Variants in AGBL4 observed in about 807,000 individuals in gnomAD.
AGBL4 encodes cytosolic carboxypeptidase 6.
A neutral mutation model predicts 66.4 loss-of-function variants in AGBL4; 58 were observed. That is an observed-to-expected ratio of 0.87 (90% confidence interval 0.71 to 1.09). The LOEUF (loss-of-function observed/expected upper bound fraction) is 1.09. Ranked by LOEUF, AGBL4 falls within the 50% of genes least tolerant of loss-of-function variation. AGBL4 has a pLI of 0.00. For missense variants in AGBL4, 579 were observed against 631.0 expected (o/e 0.92, Z 0.88); for synonymous variants, 234 against 222.9 (o/e 1.05, Z -0.44).
At chr1:49,732,096 G>A (rs924465809) in intron 2 of AGBL4, among the ~76,000 whole-genome samples, 5 of 152,172 alleles carry the variant, frequency 3.3e-5, no homozygotes, top group African/African-American at 1.2e-4. Flanking sequence ...ACTTCCAGGG[G>A]TATTGTCAGC....
chr1:49,491,749 C>G (rs1647188292), intron 3 of AGBL4, among the ~76,000 whole-genome samples: 1 of 151,838 alleles, frequency 6.6e-6, no homozygotes, highest in Admixed American at 6.6e-5. Context: ...GTGGGACAGT[C>G]AGGATTAAAA....
chr1:49,224,127 G>A lies in AGBL4; in HGVS notation c.377+21643C>T, dbSNP rs145123957. ...ACGTGCAGAAAATATTGGCTAAAGA[G>A]ACACAAATCTGTATCATTGACTCTT... is the stretch of plus-strand genomic sequence containing the variant. On this transcript the variant is annotated intron_variant, in intron 4 of 13. Transcript: ENST00000371839. 1.5e-3 allele frequency among the ~76,000 whole-genome samples: 225 copies of A among 152,288 alleles called. 5 individuals carry two copies. Among genetic ancestry groups the A allele is most frequent in the East Asian group, 2.5e-3 (13 of 5,178 alleles).
At chr1:49,581,798 C>A (rs908638294) in intron 3 of AGBL4, among the ~76,000 whole-genome samples, 16 of 152,104 alleles carry the variant, frequency 1.1e-4, no homozygotes, top group African/African-American at 3.1e-4. Flanking sequence ...GAGTTCTAGG[C>A]AGGCTGATTC....
intron 3 of AGBL4, among the ~76,000 whole-genome samples, chr1:49,475,586 A>C (rs753295076): frequency 6.6e-6 from 1 of 151,948 alleles, no homozygotes; most frequent in Non-Finnish European, 1.5e-5. Flanking sequence ...AGGTATTTTT[A>C]TCCCTTATTC....
chr1:49,622,652 A>C (rs892496001), intron 3 of AGBL4, among the ~76,000 whole-genome samples: 1 of 150,710 alleles, frequency 6.6e-6, no homozygotes, highest in Non-Finnish European at 1.5e-5. Flanking sequence ...AAAAAAAAAA[A>C]AAGAAAAATG....
chr1:48,608,429 GA>G (rs1645184555), intron 9 of AGBL4, among the ~76,000 whole-genome samples: 1 of 152,204 alleles, frequency 6.6e-6, no homozygotes, highest in Admixed American at 6.5e-5. Context: ...ATTGCATGGT[GA>G]GGGGTGGTCT....
intron 3 of AGBL4, among the ~76,000 whole-genome samples, chr1:49,253,020 C>T (rs919250777): frequency 5.3e-5 from 8 of 152,116 alleles, no homozygotes; most frequent in South Asian, 2.1e-4. Flanking sequence ...AAATAACCAG[C>T]TAACATCATA....
chr1:48,960,913 C>T (rs189709845), intron 5 of AGBL4, among the ~76,000 whole-genome samples: 1 of 152,212 alleles, frequency 6.6e-6, no homozygotes, highest in Non-Finnish European at 1.5e-5. Context: ...GTTCAACTAT[C>T]TATAATACAC....
chr1:49,599,261 A>C (rs1571142689), intron 3 of AGBL4, among the ~76,000 whole-genome samples: 2 of 152,132 alleles, frequency 1.3e-5, no homozygotes, highest in East Asian at 3.9e-4. Flanking sequence ...TAGGCTATTA[A>C]TTACTGCCTC....
intron 6 of AGBL4, among the ~76,000 whole-genome samples, chr1:48,780,198 C>T (rs1487999874): frequency 5.5e-5 from 8 of 145,120 alleles, no homozygotes; most frequent in Non-Finnish European, 9.0e-5. Context: ...CCCCCACCCC[C>T]CTACAGGCCC....
At chr1:48,992,873 AG>A (rs1234162949) in intron 5 of AGBL4, among the ~76,000 whole-genome samples, 2 of 151,980 alleles carry the variant, frequency 1.3e-5, no homozygotes, top group East Asian at 3.9e-4. Flanking sequence ...CTCACCCTTC[AG>A]GGAAGTGAGC....
intron 6 of AGBL4, among the ~76,000 whole-genome samples, chr1:48,845,196 G>C (rs1646882787): frequency 6.6e-6 from 1 of 152,134 alleles, no homozygotes; most frequent in South Asian, 2.1e-4. Context: ...TTTTCAGATA[G>C]GGAACAAGGC....
intron 1 of AGBL4, 92 bp from the exon 2 acceptor site, chr1:49,851,610 C>A: frequency 7.5e-7 from 1 of 1,329,798 alleles, no homozygotes; most frequent in Non-Finnish European, 1.0e-6. Flanking sequence ...CCCTAGTCAC[C>A]AAGTGTTAAC....
intron 6 of AGBL4, among the ~76,000 whole-genome samples, chr1:48,726,934 A>T (rs79806372): frequency 2.6e-3 from 392 of 152,358 alleles, no homozygotes; most frequent in African/African-American, 9.0e-3. Context: ...CAGGCAGGGG[A>T]GCCAGGCTTG....
chr1:49,759,708 A>T (rs1652159617), intron 2 of AGBL4, among the ~76,000 whole-genome samples: 1 of 152,198 alleles, frequency 6.6e-6, no homozygotes, highest in African/African-American at 2.4e-5. Flanking sequence ...AAACAACCCA[A>T]ATGTCCATTA....
In AGBL4 at chr1:48,564,444, C is replaced by T. The variant is rs147200241; in HGVS notation, c.1267+22560G>A. ...CCCACCACACTAGATGACATGGGGGCTCCTGGATGCTCCACACTGTCTTTA... is the reference window on the plus strand; with the variant it reads ...CCCACCACACTAGATGACATGGGGGTTCCTGGATGCTCCACACTGTCTTTA... On this transcript the variant is annotated intron_variant, in intron 11 of 13. Transcript: ENST00000371839. 3.5e-3 allele frequency among the ~76,000 whole-genome samples: 524 copies of T among 150,584 alleles called. 6 individuals are homozygous for T. The highest frequency in any genetic ancestry group is 0.012 in the African/African-American group (477 of 40,994).
intron 4 of AGBL4, among the ~76,000 whole-genome samples, chr1:49,173,763 G>C (rs1646780785): frequency 6.6e-6 from 1 of 152,182 alleles, no homozygotes; most frequent in Non-Finnish European, 1.5e-5. Flanking sequence ...AAGTGGGTAA[G>C]TGAACCATGT....
intron 3 of AGBL4, among the ~76,000 whole-genome samples, chr1:49,655,914 C>T (rs140154405): frequency 3.3e-5 from 5 of 152,088 alleles, no homozygotes; most frequent in East Asian, 3.9e-4. Flanking sequence ...TTTGGGAGGC[C>T]GAGGTGGGCA....
chr1:48,974,083 T>C (rs1359533980), intron 5 of AGBL4, among the ~76,000 whole-genome samples: 2 of 152,056 alleles, frequency 1.3e-5, no homozygotes, highest in Non-Finnish European at 2.9e-5. Context: ...AGGAGGGAAC[T>C]CTGAGAGGCT....
Sources: allele counts gnomAD v4.1 joint callset (sites outside exome capture counted in the v4.1 genomes callset), GRCh38; gene constraint gnomAD v4.1.1; transcripts MANE v1.5; gene names NCBI Gene and HGNC (gene_info 2026-07-23, HGNC 2026-07-21).